ELF2: variants seen among roughly 807,000 people sequenced by gnomAD.
The protein encoded by ELF2 is E74 like ETS transcription factor 2, also known as ETS-related transcription factor Elf-2.
In ELF2, 11 loss-of-function variants were observed where a neutral mutation model predicts 54.8. The ratio of observed to expected loss-of-function variants is 0.20; its 90% CI spans 0.13 to 0.33. ELF2 has a LOEUF of 0.33. ELF2 is among the 10% of genes least tolerant of loss of function. ELF2 has a pLI of 1.00. For synonymous variants in ELF2, 203 were observed against 245.1 expected (o/e 0.83, Z 1.61); for missense variants, 513 against 703.0 (o/e 0.73, Z 3.06).
At chr4:139,092,423 TA>T (rs1192817435) in intron 4 of ELF2, among the ~76,000 whole-genome samples, 31 of 113,746 alleles carry the variant, frequency 2.7e-4, no homozygotes, top group East Asian at 2.1e-3. Flanking sequence ...ATACATAACA[TA>T]ACATAACATA....
intron 3 of ELF2, among the ~76,000 whole-genome samples, chr4:139,134,345 T>C (rs1240771546): frequency 6.6e-6 from 1 of 151,950 alleles, no homozygotes; most frequent in Non-Finnish European, 1.5e-5. Context: ...ATTTGACTGT[T>C]AGTTTTTTGG....
chr4:139,111,116 G>T (rs549917378), intron 4 of ELF2, among the ~76,000 whole-genome samples: 3 of 152,088 alleles, frequency 2.0e-5, no homozygotes, highest in African/African-American at 7.2e-5. Flanking sequence ...AGTTGCAAAG[G>T]CTCAAATCAT....
At chr4:139,173,197 TGATA>T (rs948681047) in intron 1 of ELF2, among the ~76,000 whole-genome samples, 4 of 152,178 alleles carry the variant, frequency 2.6e-5, no homozygotes, top group Middle Eastern at 3.4e-3. Context: ...TAGCTCAAGG[TGATA>T]GATAGTTTCA....
At chr4:139,138,852 GT>G (rs1293889995) in intron 2 of ELF2, among the ~76,000 whole-genome samples, 1 of 151,982 alleles carries the variant, frequency 6.6e-6, no homozygotes, top group African/African-American at 2.4e-5. Flanking sequence ...TTCCTCAATT[GT>G]TTTGATATTA....
At chr4:139,112,339 T>G (rs1560823335) in intron 4 of ELF2, among the ~76,000 whole-genome samples, 1 of 152,220 alleles carries the variant, frequency 6.6e-6, no homozygotes, top group African/African-American at 2.4e-5. Context: ...ATCATAATTC[T>G]CATCACATTT....
chr4:139,120,396 C>G (rs1291852634), intron 4 of ELF2, among the ~76,000 whole-genome samples: 2 of 152,146 alleles, frequency 1.3e-5, no homozygotes, highest in African/African-American at 4.8e-5. Flanking sequence ...TCTCATCTTT[C>G]CCCCTACAAT....
intron 7 of ELF2, chr4:139,066,244 C>T (rs1248222852): frequency 6.6e-6 from 1 of 151,838 alleles, no homozygotes; most frequent in Non-Finnish European, 1.5e-5. Context: ...TTTCGGTTAT[C>T]AGATGGGCAG....
chr4:139,125,218 T>C lies in ELF2; in HGVS notation c.184A>G (p.Met62Val), dbSNP rs776715586. 3.0e-5 allele frequency: 49 copies of C among 1,613,846 alleles called. No homozygotes were observed. Among genetic ancestry groups the C allele is most frequent in the Non-Finnish European group, 4.2e-5 (49 of 1,179,970 alleles). The change falls in exon 4 of 10, where the codon ATG becomes GTG. Residue 62 changes from methionine to valine, a missense_variant. Around this residue, in one of 3 missense-constraint regions of ELF2, gnomAD observed 203 missense variants for 245.9 expected, o/e 0.83. Coordinates refer to ENST00000686138, the MANE Select transcript of ELF2 (RefSeq NM_001331036.3). ...TGTTCTTCTGCCACATCTTGCATCA[T>C]ATAAGTCTCATCATCATAAACCAGA... is the stretch of plus-strand genomic sequence containing the variant. The part of the protein sequence containing the change: ...QVLVYDDETY[M>V]MQDVAEEQEV...
chr4:139,122,988 T>A (rs1172335977), intron 4 of ELF2, among the ~76,000 whole-genome samples: 3 of 151,400 alleles, frequency 2.0e-5, no homozygotes, highest in Non-Finnish European at 2.9e-5. Flanking sequence ...ATCGAGACCA[T>A]CCTGGCCAAC....
intron 4 of ELF2, among the ~76,000 whole-genome samples, chr4:139,104,171 C>A (rs1189551758): frequency 2.0e-5 from 3 of 151,962 alleles, no homozygotes; most frequent in Non-Finnish European, 4.4e-5. Flanking sequence ...AAAATAAAGG[C>A]TATAAAGCTA....
chr4:139,134,817 G>GT (rs1737964114), intron 3 of ELF2, among the ~76,000 whole-genome samples: 1 of 151,208 alleles, frequency 6.6e-6, no homozygotes, highest in South Asian at 2.1e-4. Context: ...AAGTGTAGGG[G>GT]TTACAGGTAT....
intron 6 of ELF2, among the ~76,000 whole-genome samples, chr4:139,071,038 A>G (rs1237364774): frequency 6.6e-6 from 1 of 152,168 alleles, no homozygotes; most frequent in African/African-American, 2.4e-5. Context: ...TCAACAGAAA[A>G]AGACCCACTT....
chr4:139,159,399 A>G (rs2148897772), intron 1 of ELF2, among the ~76,000 whole-genome samples: 1 of 152,322 alleles, frequency 6.6e-6, no homozygotes. Context: ...TGGGCCTGTG[A>G]GGCTGGAAGG....
intron 6 of ELF2, among the ~76,000 whole-genome samples, chr4:139,071,418 G>A (rs1015585137): frequency 3.3e-5 from 5 of 151,972 alleles, no homozygotes; most frequent in African/African-American, 1.2e-4. Context: ...CACCTCCTGA[G>A]CAGCTGGGAC....
chr4:139,150,807 G>A (rs1242338202), intron 1 of ELF2, among the ~76,000 whole-genome samples: 2 of 151,934 alleles, frequency 1.3e-5, no homozygotes, highest in African/African-American at 4.8e-5. Flanking sequence ...TGGATCACAA[G>A]GTCAGGAGAT....
intron 1 of ELF2, among the ~76,000 whole-genome samples, chr4:139,173,686 A>G (rs1742576532): frequency 6.8e-6 from 1 of 145,990 alleles, no homozygotes; most frequent in Non-Finnish European, 1.5e-5. Context: ...TGAACCCGAG[A>G]GGCGGAGGTT....
At chr4:139,151,789 T>C (rs1217777087) in intron 1 of ELF2, among the ~76,000 whole-genome samples, 1 of 152,250 alleles carries the variant, frequency 6.6e-6, no homozygotes, top group Non-Finnish European at 1.5e-5. Context: ...ACTGAATAGT[T>C]TGTCATAAAA....
chr4:139,076,770 A>G (rs557648996), intron 4 of ELF2, among the ~76,000 whole-genome samples: 89 of 152,278 alleles, frequency 5.8e-4, no homozygotes, highest in African/African-American at 1.9e-3. Flanking sequence ...TTTCAAAACC[A>G]TGATTTTGTG....
At chr4:139,068,055 C>T (rs537759735) in intron 6 of ELF2, among the ~76,000 whole-genome samples, 61 of 151,484 alleles carry the variant, frequency 4.0e-4, no homozygotes, top group Non-Finnish European at 7.5e-4. Context: ...GAGACAGAGT[C>T]TTGCTCTGTC....
Sources: gnomAD v4.1 joint callset for allele counts (sites outside exome capture counted in the v4.1 genomes callset) on GRCh38, gnomAD v4.1.1 for gene constraint, gnomAD v4.1.1 regional missense constraint, MANE v1.5 for transcripts, NCBI Gene and HGNC (gene_info 2026-07-23, HGNC 2026-07-21) for gene names.